EPB41: variants seen among roughly 807,000 people sequenced by gnomAD.
The protein encoded by EPB41 is erythrocyte membrane protein band 4.1.
Under a neutral mutation model 108.0 loss-of-function variants are expected in EPB41, and 65 were observed. The ratio of observed to expected loss-of-function variants is 0.60; its 90% CI spans 0.49 to 0.74. The LOEUF (loss-of-function observed/expected upper bound fraction) is 0.74, where lower values mean the gene tolerates loss of function less well. EPB41 is among the 30% of genes least tolerant of loss of function. EPB41 has a pLI of 0.00. For missense variants in EPB41, 875 were observed against 1,037.0 expected, an observed-to-expected ratio of 0.84 and a Z score of 2.15; for synonymous variants, 336 against 358.9, an observed-to-expected ratio of 0.94 and a Z score of 0.72.
At chr1:29,093,066 C>T (rs1661895707) in intron 16 of EPB41, among the ~76,000 whole-genome samples, 2 of 152,244 alleles carry the variant, frequency 1.3e-5, no homozygotes, top group South Asian at 4.1e-4. Flanking sequence ...TGGGTATATA[C>T]CCGTAATAGG....
At position 29,115,635 on chromosome 1, in the gene EPB41, C is replaced by T. The variant is rs1670683187; in HGVS notation, c.2497-64C>T. On this transcript the variant is annotated intron_variant, in intron 19 of 20. Coordinates refer to ENST00000343067, the MANE Select transcript of EPB41 (RefSeq NM_001376013.1). This position sits in a 1 kb window ranked among gnomAD's most constrained non-coding sequence, Gnocchi z 4.4. ...TGTCAGAACATCAGAGAAATGATGA[C>T]CACTGCCTTCCTTCGCCATCAGGCT... The T allele has an allele frequency of 1.5e-6, 2 of 1,337,356 alleles. No homozygotes were observed. The highest frequency in any genetic ancestry group is 2.9e-5 in the African/African-American group (2 of 69,548). 82.8% of individuals were successfully genotyped at this position (1,337,356 alleles called of 1,614,324 possible).
At chr1:28,994,746 C>T (rs989442854) in intron 3 of EPB41, among the ~76,000 whole-genome samples, 1 of 150,770 alleles carries the variant, frequency 6.6e-6, no homozygotes, top group African/African-American at 2.4e-5. Context: ...GCAGCCTCAA[C>T]CTCCTGGGCT....
intron 11 of EPB41, among the ~76,000 whole-genome samples, chr1:29,043,810 G>A (rs976740849): frequency 4.6e-5 from 7 of 152,218 alleles, no homozygotes; most frequent in Non-Finnish European, 7.3e-5. Flanking sequence ...GCAGGGCGAA[G>A]GCTGTTGCAG....
chr1:28,950,616 C>T (rs2094680423), intron 1 of EPB41, among the ~76,000 whole-genome samples: 1 of 152,212 alleles, frequency 6.6e-6, no homozygotes, highest in Admixed American at 6.5e-5. Context: ...AAGGGCCTCC[C>T]CTCTCCCTTC....
rs188748782 is a variant in EPB41, at chr1:29,000,672, C to G, written c.786+3353C>G. Among the ~76,000 whole-genome samples the G allele has an allele frequency of 2.4e-3, 371 of 152,196 alleles. 1 individual carries two copies. The highest frequency in any genetic ancestry group is 8.7e-3 in the African/African-American group (360 of 41,524). The stretch of plus-strand genomic sequence containing the variant: ...GCAAGTGAATCCTGGGAAAAATTGG[C>G]CTTATCATAGTCAGGGCATCGACAG... On this transcript the variant is annotated intron_variant, in intron 4 of 20. Coordinates refer to ENST00000343067, the MANE Select transcript of EPB41 (RefSeq NM_001376013.1).
intron 16 of EPB41, among the ~76,000 whole-genome samples, chr1:29,074,974 T>C (rs1343601637): frequency 6.6e-6 from 1 of 151,992 alleles, no homozygotes; most frequent in Non-Finnish European, 1.5e-5. Context: ...CTGGCTAACA[T>C]GGTGAAACTC....
Position 29,097,893 on chromosome 1 carries a change from T to C in EPB41, c.2271T>C (p.Ile757=), listed in dbSNP as rs2151490883. 6.2e-7 allele frequency: 1 copy of C among 1,613,996 alleles called. No individual in the cohort carries two copies. Among genetic ancestry groups the C allele is most frequent in the East Asian group, 2.2e-5 (1 of 44,880 alleles). Residue 757 remains isoleucine (I), a synonymous_variant, in exon 17 of 21, where the codon ATT becomes ATC. Transcript: ENST00000343067. ...AAATCCCAACCAAAGACGTCCCTAT[T>C]GTCCACACTGAGACCAAGACCATCA... is the stretch of plus-strand genomic sequence containing the variant. ...KSEIPTKDVP[I]VHTETKTITY... is the part of the protein sequence containing the mutation.
At chr1:29,108,700 G>A (rs1668095464) in intron 17 of EPB41, among the ~76,000 whole-genome samples, 1 of 151,610 alleles carries the variant, frequency 6.6e-6, no homozygotes, top group Non-Finnish European at 1.5e-5. Flanking sequence ...TGGGATTATA[G>A]GCAAGCACCA....
At chr1:28,993,293 T>C (rs368328839) in intron 2 of EPB41, 37 bp from the exon 3 acceptor site, 109 of 1,538,202 alleles carry the variant, frequency 7.1e-5, no homozygotes, top group Non-Finnish European at 9.3e-5. Flanking sequence ...TTGTGAAATG[T>C]GTTTATTACT....
intron 1 of EPB41, among the ~76,000 whole-genome samples, chr1:28,889,483 C>T (rs909797166): frequency 6.6e-6 from 1 of 152,338 alleles, no homozygotes; most frequent in Non-Finnish European, 1.5e-5. Flanking sequence ...CCACCCAGGC[C>T]GCCTTACTCC....
At chr1:29,026,495 CAG>C (rs2096721015) in intron 7 of EPB41, among the ~76,000 whole-genome samples, 1 of 152,146 alleles carries the variant, frequency 6.6e-6, no homozygotes, top group African/African-American at 2.4e-5. Flanking sequence ...CAGAAGGACA[CAG>C]AATCCAGCTT....
intron 1 of EPB41, among the ~76,000 whole-genome samples, chr1:28,947,081 G>GC (rs1247473817): frequency 6.6e-6 from 1 of 152,176 alleles, no homozygotes; most frequent in Non-Finnish European, 1.5e-5. Context: ...GCAAGGGAAG[G>GC]CCAAATTAAT....
chr1:29,035,874 G>A lies in EPB41; in HGVS notation c.1414G>A (p.Ala472Thr), dbSNP rs1358895284. ...CGGATTCAAACTTCCCAGTTACCGA[G>A]CAGCTAAGAAATTATGGAAAGTCTG... ...TIGFKLPSYRAAKKLWKVCVE... is the reference protein window; with the variant it reads ...TIGFKLPSYRTAKKLWKVCVE... Residue 472 changes from alanine (A) to threonine (T), a missense_variant, in exon 10 of 21, where the codon GCA (alanine) becomes ACA (threonine). Ala to Thr is a moderately conservative substitution (Grantham distance 58). Transcript: ENST00000343067. 2.5e-6 allele frequency: 4 copies of A among 1,614,004 alleles called. No homozygotes were observed. Among genetic ancestry groups the A allele is most frequent in the Non-Finnish European group, 1.7e-6 (2 of 1,179,988 alleles).
intron 4 of EPB41, among the ~76,000 whole-genome samples, chr1:29,005,647 C>T (rs1387005471): frequency 6.6e-6 from 1 of 152,094 alleles, no homozygotes; most frequent in Admixed American, 6.6e-5. Flanking sequence ...AAGATGGACA[C>T]CCACATGGAT....
chr1:29,034,941 G>A (rs1638803676), intron 9 of EPB41, among the ~76,000 whole-genome samples: 1 of 143,600 alleles, frequency 7.0e-6, no homozygotes. Flanking sequence ...ATTTCACAAT[G>A]TATACGTGTT....
At chr1:28,897,356 C>G (rs1017415557) in intron 1 of EPB41, among the ~76,000 whole-genome samples, 2 of 151,840 alleles carry the variant, frequency 1.3e-5, no homozygotes, top group African/African-American at 4.8e-5. Flanking sequence ...CAACACAAGC[C>G]TAGGGAACAT....
chr1:28,935,739 A>C (rs373066889), intron 1 of EPB41, among the ~76,000 whole-genome samples: 51 of 151,650 alleles, frequency 3.4e-4, no homozygotes, highest in African/African-American at 1.2e-3. Flanking sequence ...GCCAACATGG[A>C]GAAACCCCGT....
intron 1 of EPB41, among the ~76,000 whole-genome samples, chr1:28,953,360 A>C (rs1485312416): frequency 1.3e-5 from 2 of 151,968 alleles, no homozygotes; most frequent in Non-Finnish European, 2.9e-5. Context: ...ATTGAATCTT[A>C]AAATTGAGAA....
At position 29,006,818 on chromosome 1, in the gene EPB41, T is replaced by C. The variant is rs143380838; in HGVS notation, c.787-5047T>C. Among the ~76,000 whole-genome samples, 5 of 151,994 alleles carry C rather than the reference T, an allele frequency of 3.3e-5. No homozygotes were observed. In the South Asian group the frequency reaches 6.2e-4, roughly 19 times the overall value. On this transcript the variant is annotated intron_variant, in intron 4 of 20. Coordinates refer to ENST00000343067, the MANE Select transcript of EPB41 (RefSeq NM_001376013.1). ...AGGAGTCAGAGGTGGGAGGATTGCT[T>C]GAGCCGGAGAGGTGGAGGTTGCAGT...
Sources: gnomAD v4.1 joint callset for allele counts (sites outside exome capture counted in the v4.1 genomes callset) on GRCh38, gnomAD v4.1.1 for gene constraint, Gnocchi (gnomAD v3.1) non-coding constraint, MANE v1.5 for transcripts, NCBI Gene and HGNC (gene_info 2026-07-23, HGNC 2026-07-21) for gene names.